ZNF624: variants seen among roughly 807,000 people sequenced by gnomAD.
ZNF624 encodes the protein zinc finger protein 624.
Under a neutral mutation model 74.7 loss-of-function variants are expected in ZNF624, and 43 were observed. The observed-to-expected ratio is 0.58, with a 90% CI of 0.45 to 0.74. The LOEUF (loss-of-function observed/expected upper bound fraction) is 0.74. ZNF624 is among the 30% of genes least tolerant of loss of function. The pLI, the probability that ZNF624 is intolerant of heterozygous loss-of-function variation, is 0.00. For synonymous variants in ZNF624, 331 were observed against 341.3 expected, an observed-to-expected ratio of 0.97 and a Z score of 0.33; for missense variants, 820 against 1,030.0, an observed-to-expected ratio of 0.80 and a Z score of 2.79.
intron 5 of ZNF624, among the ~76,000 whole-genome samples, chr17:16,629,933 A>C (rs189282212): frequency 2.0e-4 from 31 of 152,318 alleles, no homozygotes; most frequent in African/African-American, 7.0e-4. Context: ...TGAAATTCAA[A>C]TTTCAGAGTC....
intron 3 of ZNF624, among the ~76,000 whole-genome samples, chr17:16,636,087 C>T (rs1909323963): frequency 6.6e-6 from 1 of 152,146 alleles, no homozygotes; most frequent in African/African-American, 2.4e-5. Flanking sequence ...CAGGAGACAA[C>T]TTGAAGAGGC....
intron 3 of ZNF624, among the ~76,000 whole-genome samples, chr17:16,639,891 T>C (rs1341124754): frequency 6.6e-6 from 1 of 151,940 alleles, no homozygotes; most frequent in African/African-American, 2.4e-5. Context: ...CAACAAAAAA[T>C]TATAAGACAC....
At chr17:16,651,883 C>A (rs1310014839) in intron 1 of ZNF624, among the ~76,000 whole-genome samples, 1 of 152,064 alleles carries the variant, frequency 6.6e-6, no homozygotes, top group African/African-American at 2.4e-5. Context: ...ACAGCTTGAA[C>A]AAGTACACCT....
rs767965230 is a variant in ZNF624 at position 16,634,649 on chromosome 17, G to A, written c.261C>T (p.Tyr87=). ...NLHKDVMLEN[Y]RNLVSLGLAV... ...CCTTACCCAGGGAGACCAGATTCCT[G>A]TAATTCTCTAGCATCACATCCTTGT... The change falls in exon 4 of 6, where the codon TAC becomes TAT. Residue 87 remains tyrosine (Y), a synonymous_variant. Coordinates refer to ENST00000311331, the MANE Select transcript of ZNF624 (RefSeq NM_020787.4). 3.1e-6 allele frequency: 5 copies of A among 1,613,430 alleles called. No homozygotes were observed. The highest frequency in any genetic ancestry group is 2.2e-5 in the South Asian group (2 of 91,016).
intron 3 of ZNF624, among the ~76,000 whole-genome samples, chr17:16,646,372 T>A (rs1420805782): frequency 6.6e-6 from 1 of 152,176 alleles, no homozygotes. Flanking sequence ...TATTTTCTCA[T>A]AGAAGCAAAA....
chr17:16,622,733 T>A lies in ZNF624; in HGVS notation c.2153A>T (p.His718Leu). ...ACATTTAAATGGTTTCTCTCCAGTA[T>A]GTGTTCTTTGATGTGTATTAAAGCC... Reference protein sequence around the residue: ...NSGFNTHQRTHTGEKPFKCND... With the variant: ...NSGFNTHQRTLTGEKPFKCND... Residue 718 changes from histidine (H) to leucine (L), a missense_variant, in exon 6 of 6, where the codon CAT becomes CTT. Transcript: ENST00000311331. 6.2e-7 allele frequency: 1 copy of A among 1,613,848 alleles called. No homozygotes were observed. Among genetic ancestry groups the A allele is most frequent in the Non-Finnish European group, 8.5e-7 (1 of 1,179,990 alleles).
At chr17:16,615,193 G>A in the ZNF624 span, among the ~76,000 whole-genome samples, 1 of 152,276 alleles carries the variant, frequency 6.6e-6, no homozygotes, top group African/African-American at 2.4e-5. Flanking sequence ...CGCCTCCCGG[G>A]TTCAGGCCAT....
At chr17:16,626,934 A>C (rs1321857999) in intron 5 of ZNF624, among the ~76,000 whole-genome samples, 1 of 152,116 alleles carries the variant, frequency 6.6e-6, no homozygotes, top group Non-Finnish European at 1.5e-5. Flanking sequence ...ACACGCTTAT[A>C]ATCCCAGCTA....
Position 16,624,333 on chromosome 17 carries a change from G to T in ZNF624, c.553C>A (p.His185Asn), listed in dbSNP as rs773348215. 2 of 1,613,332 alleles carry T rather than the reference G, an allele frequency of 1.2e-6. No homozygotes were observed. The highest frequency in any genetic ancestry group is 1.7e-5 in the Admixed American group (1 of 59,872). ...ILRLQNNQEN[H>N]LSQRIIPLKK... ...AGTGGAATTATTCTTTGACTCAAAT[G>T]ATTCTCCTGATTATTTTGTAATCTC... is the stretch of plus-strand genomic sequence containing the variant. The change falls in exon 6 of 6, where the codon CAT becomes AAT. Residue 185 changes from histidine (H) to asparagine (N), a missense_variant. Transcript: ENST00000311331.
intron 3 of ZNF624, among the ~76,000 whole-genome samples, chr17:16,641,701 G>T (rs541356202): frequency 6.6e-6 from 1 of 152,300 alleles, no homozygotes; most frequent in Non-Finnish European, 1.5e-5. Context: ...ATTTGCAAAT[G>T]ATATAATCTC....
In ZNF624 at chr17:16,624,400, A is replaced by C; in HGVS notation, c.486T>G (p.Asp162Glu). 6.2e-7 allele frequency: 1 copy of C among 1,613,940 alleles called. No individual in the cohort carries two copies. The highest frequency in any genetic ancestry group is 8.5e-7 in the Non-Finnish European group (1 of 1,179,972). Residue 162 changes from aspartate to glutamate, a missense_variant, in exon 6 of 6, where the codon GAT (aspartate) becomes GAG (glutamate). Transcript: ENST00000311331. The part of the protein sequence containing the change: ...LEKLTENGLW[D>E]SRMEGLWKWN... ...ATTTCCATAACCCTTCCATTCTGGAATCCCACAGACCATTCTCTGTAAGTT... is the reference window on the plus strand; with the variant it reads ...ATTTCCATAACCCTTCCATTCTGGACTCCCACAGACCATTCTCTGTAAGTT...
chr17:16,644,101 C>G (rs1032210219), intron 3 of ZNF624, among the ~76,000 whole-genome samples: 2 of 152,204 alleles, frequency 1.3e-5, no homozygotes, highest in Non-Finnish European at 2.9e-5. Context: ...CACACTGTCT[C>G]TCTTTCCTTT....
chr17:16,647,759 C>T (rs1909628421), intron 2 of ZNF624, among the ~76,000 whole-genome samples: 2 of 152,006 alleles, frequency 1.3e-5, no homozygotes. Context: ...ACACTCAAAA[C>T]CTACTAACAC....
chr17:16,625,714 G>A (rs921517471), intron 5 of ZNF624, among the ~76,000 whole-genome samples: 1 of 151,922 alleles, frequency 6.6e-6, no homozygotes, highest in Non-Finnish European at 1.5e-5. Flanking sequence ...GGTAGATTTT[G>A]CAACTTTTTT....
chr17:16,639,187 AAAG>A (rs1459429320), intron 3 of ZNF624, among the ~76,000 whole-genome samples: 1 of 152,206 alleles, frequency 6.6e-6, no homozygotes, highest in Non-Finnish European at 1.5e-5. Flanking sequence ...CTACTCAGGC[AAAG>A]AAGTCAACTT....
At chr17:16,620,128 G>C (rs986643794), downstream of ZNF624, among the ~76,000 whole-genome samples, 1 of 152,104 alleles carries the variant, frequency 6.6e-6, no homozygotes, top group Admixed American at 6.5e-5. Flanking sequence ...ATCGTGAAAG[G>C]GTATTTGATC....
At position 16,622,493 on chromosome 17, in the gene ZNF624, T is replaced by A. The variant is rs775971830; in HGVS notation, c.2393A>T (p.His798Leu). The change falls in exon 6 of 6, where the codon CAT (histidine) becomes CTT (leucine). Residue 798 changes from histidine to leucine, a missense_variant. Coordinates refer to ENST00000311331, the MANE Select transcript of ZNF624 (RefSeq NM_020787.4). ...CCTCTCCCCAGTATGAATTCTCTGA[T>A]GTAGGGTTAGCTGTGATAGAGTAAT... ...GCITLSQLTL[H>L]QRIHTGERPY... 5.0e-6 allele frequency: 8 copies of A among 1,613,964 alleles called. No homozygotes were observed. The highest frequency in any genetic ancestry group is 6.8e-6 in the Non-Finnish European group (8 of 1,179,898).
chr17:16,627,071 A>AT (rs1909090598), intron 5 of ZNF624, among the ~76,000 whole-genome samples: 2 of 152,184 alleles, frequency 1.3e-5, no homozygotes, highest in South Asian at 2.1e-4. Context: ...AAATAAATAA[A>AT]AAAGAAGAAG....
chr17:16,626,726 T>C (rs1374452156), intron 5 of ZNF624, among the ~76,000 whole-genome samples: 1 of 152,176 alleles, frequency 6.6e-6, no homozygotes, highest in East Asian at 1.9e-4. Context: ...CACTACAGCC[T>C]GGGTGACAAA....
Sources: allele counts gnomAD v4.1 joint callset (sites outside exome capture counted in the v4.1 genomes callset), GRCh38; gene constraint gnomAD v4.1.1; transcripts MANE v1.5; gene names NCBI Gene and HGNC (gene_info 2026-07-23, HGNC 2026-07-21).